The following PKP1 variants were observed in gnomAD, a reference collection of about 807,000 sequenced individuals.
PKP1 encodes the protein plakophilin-1.
A neutral mutation model predicts 76.4 loss-of-function variants in PKP1; 27 were observed. The ratio of observed to expected loss-of-function variants is 0.35; its 90% CI spans 0.26 to 0.49. The LOEUF is 0.49. Ranked by LOEUF, PKP1 falls within the 20% of genes least tolerant of loss-of-function variation. PKP1 has a pLI of 0.99. For synonymous variants in PKP1, 404 were observed against 384.2 expected (o/e 1.05, Z -0.60); for missense variants, 964 against 955.2 (o/e 1.01, Z -0.12).
chr1:201,303,173 CTTAT>C (rs1656285544), intron 2 of PKP1, among the ~76,000 whole-genome samples: 1 of 152,214 alleles, frequency 6.6e-6, no homozygotes, highest in Non-Finnish European at 1.5e-5. Context: ...TTCCACTGCA[CTTAT>C]TTATTTATTC....
rs1341274421 is a variant in PKP1 at position 201,324,356 on chromosome 1, C to A, written c.1681-72C>A. 5.3e-6 allele frequency: 8 copies of A among 1,520,856 alleles called. No homozygotes were observed. In the Admixed American group the frequency reaches 6.9e-5, roughly 13 times the overall value. The allele number at this position is 1,520,856 out of a possible 1,614,324, so 94.2% of individuals were successfully genotyped here. A position where few individuals can be genotyped will look rare whatever the true frequency, so the allele number is the denominator to read the frequency against. ...TCTGGGATGTCTGCCTTTGGGGCTC[C>A]TTGCCCCTTTCTGCCTGCCATGGTG... On this transcript the variant is annotated intron_variant, in intron 9 of 13. Transcript: ENST00000367324.
At chr1:201,289,457 A>T (rs1655837306) in intron 1 of PKP1, among the ~76,000 whole-genome samples, 1 of 152,208 alleles carries the variant, frequency 6.6e-6, no homozygotes, top group Admixed American at 6.5e-5. Context: ...TGTTCCGAGC[A>T]GCTTGCCCTG....
chr1:201,316,718 C>T lies in PKP1; in HGVS notation c.846+21C>T, dbSNP rs774727451. ...AACAGGTAGCTGGTTGCATACCTTC[C>T]TCCTTGGTGGGCCTGCGGAGGGCCT... On this transcript the variant is annotated intron_variant, in intron 4 of 13. Transcript: ENST00000367324. The T allele has an allele frequency of 1.9e-6, 3 of 1,613,138 alleles. No homozygotes were observed. In the Admixed American group the frequency reaches 5.0e-5, roughly 27 times the overall value.
At chr1:201,293,916 T>A in intron 1 of PKP1, 26 bp from the exon 2 acceptor site, 1 of 1,494,020 alleles carries the variant, frequency 6.7e-7, no homozygotes, top group Non-Finnish European at 9.3e-7. Flanking sequence ...GCCATCCCTG[T>A]CCTAATCCCC....
At chr1:201,304,455 G>A (rs1656318854) in intron 2 of PKP1, among the ~76,000 whole-genome samples, 2 of 152,206 alleles carry the variant, frequency 1.3e-5, no homozygotes, top group Non-Finnish European at 2.9e-5. Context: ...CAGTTATCAT[G>A]ACCACAAGGT....
At chr1:201,305,882 A>T (rs771499346) in intron 2 of PKP1, among the ~76,000 whole-genome samples, 3 of 152,186 alleles carry the variant, frequency 2.0e-5, no homozygotes, top group Non-Finnish European at 4.4e-5. Flanking sequence ...CACTGGGACA[A>T]TTGAACCAGC....
rs1207292943 is a variant in PKP1 at position 201,283,846 on chromosome 1, C to A, written c.144C>A (p.Thr48=). The change falls in exon 1 of 14, where the codon ACC becomes ACA. Residue 48 remains threonine, a synonymous_variant. Transcript: ENST00000367324. ...GCGTGCAGGAGCAGGTGATGATGAC[C>A]GTCAAGCGGCAGAAGTCCAAGTCTT... is the stretch of plus-strand genomic sequence containing the variant. ...RQRVQEQVMM[T]VKRQKSKSSQ... The A allele has an allele frequency of 2.5e-6, 4 of 1,614,138 alleles. No homozygotes were observed. The South Asian group carries it at 3.3e-5, about 13-fold the overall frequency.
At position 201,288,136 on chromosome 1, in the gene PKP1, G is replaced by A. The variant is rs554140332; in HGVS notation, c.202+4232G>A. Among the ~76,000 whole-genome samples, 8 of 152,296 alleles carry A rather than the reference G, an allele frequency of 5.3e-5. No individual in the cohort carries two copies. In the South Asian group the frequency reaches 1.2e-3, roughly 24 times the overall value. On this transcript the variant is annotated intron_variant, in intron 1 of 13. Transcript: ENST00000367324. ...CCAGCCTGGCATCTACCTGGTGTGC[G>A]ATCTTGGACAAGTCGCTGCCTCTCT...
chr1:201,284,654 C>G (rs1655675778), intron 1 of PKP1, among the ~76,000 whole-genome samples: 2 of 152,200 alleles, frequency 1.3e-5, no homozygotes, highest in Non-Finnish European at 2.9e-5. Context: ...GGAAGGGGGT[C>G]AGGGATGCTT....
At chr1:201,285,643 A>G (rs1227638699) in intron 1 of PKP1, among the ~76,000 whole-genome samples, 1 of 151,652 alleles carries the variant, frequency 6.6e-6, no homozygotes, top group Non-Finnish European at 1.5e-5. Context: ...TCCCCTTCCC[A>G]CTCCCACTCC....
In PKP1 at chr1:201,323,014, A is replaced by T; in HGVS notation, c.1505A>T (p.Asn502Ile). ...CCCTGACCGGCTCTTTATCCTCAGA[A>T]CAACAACTATGACTGCCCCCTGCCT... ...CFSNKSDKMM[N>I]NNYDCPLPEE... is the part of the protein sequence containing the mutation. Residue 502 changes from asparagine (N) to isoleucine (I), a missense_variant and splice_region_variant, in exon 9 of 14, where the codon AAC (asparagine) becomes ATC (isoleucine). Asn to Ile is a moderately radical substitution (Grantham distance 149, BLOSUM62 -3). Coordinates refer to ENST00000367324, the MANE Select transcript of PKP1 (RefSeq NM_001005337.3). 6.2e-7 allele frequency: 1 copy of T among 1,613,904 alleles called. No homozygotes were observed. The highest frequency in any genetic ancestry group is 8.5e-7 in the Non-Finnish European group (1 of 1,179,908).
intron 1 of PKP1, among the ~76,000 whole-genome samples, chr1:201,293,175 C>T (rs1655971061): frequency 6.6e-6 from 1 of 152,156 alleles, no homozygotes; most frequent in Admixed American, 6.5e-5. Context: ...AGAGTTGATG[C>T]TATCCCTTAG....
intron 11 of PKP1, 110 bp downstream of exon 11, chr1:201,325,237 G>A (rs1657080122): frequency 7.0e-6 from 8 of 1,146,698 alleles, no homozygotes; most frequent in South Asian, 1.3e-5. Context: ...AGCACCAAGG[G>A]CAGGGGGAGC....
intron 2 of PKP1, among the ~76,000 whole-genome samples, chr1:201,312,246 G>A (rs1306701820): frequency 6.6e-6 from 1 of 152,212 alleles, no homozygotes; most frequent in Non-Finnish European, 1.5e-5. Context: ...CCCTGGAAGA[G>A]GGGAGGCAAG....
At chr1:201,296,434 G>A (rs970702883) in intron 2 of PKP1, among the ~76,000 whole-genome samples, 21 of 152,226 alleles carry the variant, frequency 1.4e-4, no homozygotes, top group African/African-American at 4.3e-4. Context: ...CAATATGGCA[G>A]CAGAAGGCAG....
chr1:201,309,947 C>A (rs1558188729), intron 2 of PKP1, among the ~76,000 whole-genome samples: 1 of 152,178 alleles, frequency 6.6e-6, no homozygotes, highest in Non-Finnish European at 1.5e-5. Context: ...CTCGAAGTGC[C>A]CCATCTGGGC....
chr1:201,306,482 C>T (rs186336167), intron 2 of PKP1, among the ~76,000 whole-genome samples: 1 of 152,366 alleles, frequency 6.6e-6, no homozygotes. Flanking sequence ...TCCCAAAAGA[C>T]CCGCAAGCTA....
At chr1:201,286,005 CG>C (rs139039643) in intron 1 of PKP1, among the ~76,000 whole-genome samples, 2 of 152,236 alleles carry the variant, frequency 1.3e-5, no homozygotes, top group Non-Finnish European at 1.5e-5. Flanking sequence ...CTGGAAGAGG[CG>C]GTTTGGTCAC....
intron 1 of PKP1, 142 bp downstream of exon 1, chr1:201,284,046 T>A (rs2102402410): frequency 2.5e-6 from 2 of 800,000 alleles, no homozygotes; most frequent in East Asian, 2.7e-5. Flanking sequence ...ACGCACCTAG[T>A]GCGAGCAGCC....
Sources: allele counts gnomAD v4.1 joint callset (sites outside exome capture counted in the v4.1 genomes callset), GRCh38; gene constraint gnomAD v4.1.1; transcripts MANE v1.5; gene names NCBI Gene and HGNC (gene_info 2026-07-23, HGNC 2026-07-21).